The following IQSEC1 variants were observed in gnomAD, a reference collection of about 807,000 sequenced individuals.
The protein encoded by IQSEC1 is IQ motif and SEC7 domain-containing protein 1.
A neutral mutation model predicts 91.0 loss-of-function variants in IQSEC1; 31 were observed. The ratio of observed to expected loss-of-function variants is 0.34; its 90% CI spans 0.26 to 0.46. The LOEUF is 0.46. Ranked by LOEUF, IQSEC1 falls within the 20% of genes least tolerant of loss-of-function variation. The pLI is 1.00. For synonymous variants in IQSEC1, 699 were observed against 662.6 expected, an observed-to-expected ratio of 1.05 and a Z score of -0.84; for missense variants, 1,388 against 1,575.6, an observed-to-expected ratio of 0.88 and a Z score of 2.02.
chr3:13,258,864 C>G (rs918023644), intron 1 of IQSEC1, among the ~76,000 whole-genome samples: 1 of 152,092 alleles, frequency 6.6e-6, no homozygotes, highest in Admixed American at 6.5e-5. Flanking sequence ...CTCCAGGAAC[C>G]TAGGGAACCC....
chr3:13,035,186 C>T (rs909843744), intron 1 of IQSEC1, among the ~76,000 whole-genome samples: 4 of 152,148 alleles, frequency 2.6e-5, no homozygotes, highest in Non-Finnish European at 4.4e-5. Flanking sequence ...ACAGAGTAGG[C>T]GCCCCGGCTC....
intron 2 of IQSEC1, among the ~76,000 whole-genome samples, chr3:13,124,020 G>A (rs1469308689): frequency 6.6e-6 from 1 of 152,236 alleles, no homozygotes; most frequent in East Asian, 1.9e-4. Flanking sequence ...GCGGCCAAGG[G>A]ATGCTGCCAA....
chr3:12,923,952 A>G (rs895529117), intron 4 of IQSEC1, among the ~76,000 whole-genome samples: 4 of 152,222 alleles, frequency 2.6e-5, no homozygotes, highest in African/African-American at 7.2e-5. Context: ...CGGGAGTGCT[A>G]TGCTCACCAG....
intron 2 of IQSEC1, among the ~76,000 whole-genome samples, chr3:13,088,313 T>C (rs557128525): frequency 3.9e-5 from 6 of 152,330 alleles, no homozygotes; most frequent in Non-Finnish European, 5.9e-5. Context: ...ACCTGCATGC[T>C]GACGACGCCC....
intron 2 of IQSEC1, among the ~76,000 whole-genome samples, chr3:13,091,998 C>T (rs1272083009): frequency 6.6e-6 from 1 of 152,026 alleles, no homozygotes; most frequent in Non-Finnish European, 1.5e-5. Flanking sequence ...GTCCCCAGGC[C>T]CCCCAGGCAG....
intron 2 of IQSEC1, among the ~76,000 whole-genome samples, chr3:13,138,593 G>A (rs1576267651): frequency 6.6e-6 from 1 of 152,252 alleles, no homozygotes; most frequent in South Asian, 2.1e-4. Context: ...GCTGTACTTG[G>A]AAATAGCTTG....
chr3:13,196,004 TAGA>T (rs1694117559), intron 1 of IQSEC1, among the ~76,000 whole-genome samples: 1 of 152,346 alleles, frequency 6.6e-6, no homozygotes, highest in Non-Finnish European at 1.5e-5. Context: ...GGTCTCTGAA[TAGA>T]AGGTTACTTT....
At position 12,992,716 on chromosome 3, in the gene IQSEC1, G is replaced by A. The variant is rs116293161; in HGVS notation, c.24-50851C>T. Among the ~76,000 whole-genome samples, 1,760 of 152,332 alleles carry A rather than the reference G, an allele frequency of 0.012. 31 individuals are homozygous for A. The highest frequency in any genetic ancestry group is 0.04 in the African/African-American group (1,659 of 41,564). On this transcript the variant is annotated intron_variant, in intron 1 of 13. Coordinates refer to ENST00000613206, the MANE Select transcript of IQSEC1 (RefSeq NM_001134382.3). The surrounding 1 kb of genome is among the most constrained non-coding windows in gnomAD (Gnocchi z 4.1). ...ACACTCACAAAGCTGACCAGGCAGA[G>A]CCGACTGCTGTCCTTGTGAGCCTCA...
intron 1 of IQSEC1, among the ~76,000 whole-genome samples, chr3:13,040,058 C>T (rs780486173): frequency 3.3e-5 from 5 of 152,238 alleles, no homozygotes; most frequent in Non-Finnish European, 5.9e-5. Context: ...AGCAGACACT[C>T]ACTGAGCTTC....
At chr3:12,926,783 T>C (rs1346164048) in intron 3 of IQSEC1, among the ~76,000 whole-genome samples, 1 of 152,236 alleles carries the variant, frequency 6.6e-6, no homozygotes, top group Admixed American at 6.5e-5. Flanking sequence ...AGACACCGCA[T>C]TTCCATGTGC....
chr3:13,135,818 T>C (rs1347248771), intron 2 of IQSEC1, among the ~76,000 whole-genome samples: 1 of 152,194 alleles, frequency 6.6e-6, no homozygotes, highest in Non-Finnish European at 1.5e-5. Flanking sequence ...TGGAGGGGGA[T>C]GGGAAGGCTG....
intron 1 of IQSEC1, among the ~76,000 whole-genome samples, chr3:12,977,136 C>A (rs138200064): frequency 9.9e-4 from 150 of 152,222 alleles, no homozygotes; most frequent in African/African-American, 3.4e-3. Flanking sequence ...TGCTTGAGCT[C>A]AGGAGTTAGA....
intron 1 of IQSEC1, among the ~76,000 whole-genome samples, chr3:13,172,734 G>C (rs1254036894): frequency 6.6e-6 from 1 of 152,228 alleles, no homozygotes; most frequent in Non-Finnish European, 1.5e-5. Context: ...TGAGGTCACA[G>C]TGCTGGTGAG....
At position 12,900,319 on chromosome 3, in the gene IQSEC1, G is replaced by T. The variant is rs1694104977; in HGVS notation, c.*664C>A. On this transcript the variant is annotated 3_prime_UTR_variant, in exon 14 of 14. Transcript: ENST00000613206. ...ATCTGAATTTGTTCCTAGCATTTAGGGTTTGGTCTATTGTCTCACACACCC... is the reference window on the plus strand; with the variant it reads ...ATCTGAATTTGTTCCTAGCATTTAGTGTTTGGTCTATTGTCTCACACACCC... 6.1e-6 allele frequency: 6 copies of T among 984,290 alleles called. No individual in the cohort carries two copies. Among genetic ancestry groups the T allele is most frequent in the Admixed American group, 6.2e-5 (1 of 16,206 alleles). 61.0% of individuals were successfully genotyped at this position (984,290 alleles called of 1,614,324 possible).
Position 13,259,853 on chromosome 3 carries a change from C to T in IQSEC1, c.272+22858G>A, listed in dbSNP as rs552183962. 6.6e-6 allele frequency among the ~76,000 whole-genome samples: 1 copy of T among 152,240 alleles called. No homozygotes were observed. Among genetic ancestry groups the T allele is most frequent in the South Asian group, 2.1e-4 (1 of 4,824 alleles). Reference sequence around the variant, plus strand: ...GGGGCTTGCTTGTTGTGGCGCTCAGCGGGAGAAGTTTCTACCATATACAGT... The same window carrying T: ...GGGGCTTGCTTGTTGTGGCGCTCAGTGGGAGAAGTTTCTACCATATACAGT... On this transcript the variant is annotated intron_variant, in intron 1 of 15. Transcript: ENST00000648114. The surrounding 1 kb of genome is among the most constrained non-coding windows in gnomAD (Gnocchi z 4.6).
At chr3:13,217,463 T>C (rs1694572492) in intron 1 of IQSEC1, among the ~76,000 whole-genome samples, 1 of 152,196 alleles carries the variant, frequency 6.6e-6, no homozygotes, top group Non-Finnish European at 1.5e-5. Context: ...TAGTCCACTG[T>C]GTGGAAGTAC....
intron 1 of IQSEC1, among the ~76,000 whole-genome samples, chr3:13,063,542 A>G (rs1228314719): frequency 6.6e-6 from 1 of 152,204 alleles, no homozygotes; most frequent in Non-Finnish European, 1.5e-5. Flanking sequence ...CCAGGGGAGC[A>G]GGAAGGCCCA....
chr3:13,055,798 G>A (rs937118752), intron 1 of IQSEC1, among the ~76,000 whole-genome samples: 1 of 152,176 alleles, frequency 6.6e-6, no homozygotes, highest in South Asian at 2.1e-4. Flanking sequence ...GGCCAGCAAG[G>A]ACAAAACTTG....
Position 12,941,436 on chromosome 3 carries a change from C to T in IQSEC1, c.318+135G>A, listed in dbSNP as rs535762205. On this transcript the variant is annotated intron_variant, in intron 2 of 13. Transcript: ENST00000613206. ...AGGTGGAGCTGGAACTGGGGCAGAG[C>T]CCTCAGCCTTAGCCCACATGCACCC... 2.7e-4 allele frequency: 231 copies of T among 864,440 alleles called. 2 individuals are homozygous for T. The Middle Eastern group carries it at 6.1e-3, about 23-fold the overall frequency. The allele number at this position is 864,440 out of a possible 1,614,324, so 53.5% of individuals were successfully genotyped here. A position where few individuals can be genotyped will look rare whatever the true frequency, so the allele number is the denominator to read the frequency against.
Sources: gnomAD v4.1 joint callset for allele counts (sites outside exome capture counted in the v4.1 genomes callset) on GRCh38, gnomAD v4.1.1 for gene constraint, Gnocchi (gnomAD v3.1) non-coding constraint, MANE v1.5 for transcripts, NCBI Gene and HGNC (gene_info 2026-07-23, HGNC 2026-07-21) for gene names.